Variants in COL22A1 observed in about 807,000 individuals in gnomAD.
COL22A1 encodes the protein collagen type XXII alpha 1 chain, also known as collagen alpha-1(XXII) chain.
COL22A1 carries 221 observed loss-of-function variants against 248.9 expected under a neutral mutation model. The observed-to-expected ratio is 0.89, with a 90% CI of 0.80 to 0.99. The LOEUF is 0.99. Among genes scored for constraint, COL22A1 ranks in the 50% least tolerant of loss-of-function variants. The probability of loss-of-function intolerance (pLI) is 0.00; values close to 1 mark genes in which losing one functional copy is unlikely to be tolerated. For synonymous variants in COL22A1, 891 were observed against 793.4 expected, an observed-to-expected ratio of 1.12 and a Z score of -2.07; for missense variants, 2,240 against 2,179.0, an observed-to-expected ratio of 1.03 and a Z score of -0.56.
chr8:138,896,140 C>A (rs1020819081), intron 1 of COL22A1, among the ~76,000 whole-genome samples: 2 of 151,986 alleles, frequency 1.3e-5, no homozygotes, highest in African/African-American at 2.4e-5. Flanking sequence ...TGAAGAATTG[C>A]TAAAGGAAGC....
Position 138,779,564 on chromosome 8 carries a change from T to A in COL22A1, c.1651-2A>T, listed in dbSNP as rs200334323. 2.5e-6 allele frequency: 4 copies of A among 1,611,370 alleles called. No individual in the cohort carries two copies. In the African/African-American group the frequency reaches 4.0e-5, roughly 16 times the overall value. ...CTCTCCCAGCTCTCCTGGCTCCCCC[T>A]GAACAAACAAAACAACACAAAGTCA... On this transcript the variant is annotated splice_acceptor_variant, in intron 13 of 64. Coordinates refer to ENST00000303045, the MANE Select transcript of COL22A1 (RefSeq NM_152888.3). LOFTEE classifies it high-confidence loss of function.
At chr8:138,724,169 G>A (rs995306455) in intron 25 of COL22A1, among the ~76,000 whole-genome samples, 4 of 152,146 alleles carry the variant, frequency 2.6e-5, no homozygotes, top group Admixed American at 6.6e-5. Context: ...AGCTCCACCT[G>A]CCCCCTAAGA....
intron 3 of COL22A1, among the ~76,000 whole-genome samples, chr8:138,875,952 C>T (rs973338515): frequency 1.3e-5 from 2 of 152,164 alleles, no homozygotes; most frequent in Non-Finnish European, 2.9e-5. Flanking sequence ...GCCAAGTCAT[C>T]GGTGCTGGAT....
intron 3 of COL22A1, among the ~76,000 whole-genome samples, chr8:138,857,413 G>A (rs910443614): frequency 3.3e-5 from 5 of 152,166 alleles, no homozygotes; most frequent in African/African-American, 4.8e-5. Flanking sequence ...ACACAGCTTC[G>A]CCTGGACATT....
At position 138,817,562 on chromosome 8, in the gene COL22A1, T is replaced by C. The variant is rs188261933; in HGVS notation, c.1245+3574A>G. 3.8e-4 allele frequency among the ~76,000 whole-genome samples: 58 copies of C among 152,252 alleles called. 1 individual carries two copies. The highest frequency in any genetic ancestry group is 3.0e-3 in the Admixed American group (46 of 15,300). On this transcript the variant is annotated intron_variant, in intron 7 of 64. Coordinates refer to ENST00000303045, the MANE Select transcript of COL22A1 (RefSeq NM_152888.3). ...GGGGAACCAACTACTTCTACTATAC[T>C]AGGGTGTTGTATGTGGTGGGGATGT...
At chr8:138,608,475 G>T (rs1026669752) in intron 56 of COL22A1, among the ~76,000 whole-genome samples, 1 of 152,088 alleles carries the variant, frequency 6.6e-6, no homozygotes, top group Non-Finnish European at 1.5e-5. Context: ...TTTAAAATAC[G>T]TAGATACTGA....
intron 8 of COL22A1, among the ~76,000 whole-genome samples, chr8:138,812,313 G>A (rs1328599600): frequency 6.6e-6 from 1 of 152,202 alleles, no homozygotes; most frequent in African/African-American, 2.4e-5. Context: ...TGAGCCGGGT[G>A]CGCTGGCTGA....
At chr8:138,684,843 T>C (rs978432927) in intron 38 of COL22A1, among the ~76,000 whole-genome samples, 2 of 152,182 alleles carry the variant, frequency 1.3e-5, no homozygotes, top group African/African-American at 4.8e-5. Flanking sequence ...ATGAAAACCA[T>C]GATTCTACGT....
Position 138,602,728 on chromosome 8 carries a change from C to T in COL22A1, c.4141-569G>A, listed in dbSNP as rs142876523. Among the ~76,000 whole-genome samples the T allele has an allele frequency of 2.0e-4, 31 of 152,370 alleles. No individual in the cohort carries two copies. In the East Asian group the frequency reaches 5.2e-3, roughly 26 times the overall value. On this transcript the variant is annotated intron_variant, in intron 59 of 64. Coordinates refer to ENST00000303045, the MANE Select transcript of COL22A1 (RefSeq NM_152888.3). ...CCCACTCCCTTCTGGAGGGCAGTCA[C>T]GTCAGGGAACAAGGGACACGGCCCA...
intron 35 of COL22A1, among the ~76,000 whole-genome samples, chr8:138,692,254 GTGCGTGTGTGCATGTTTGTGTGCACA>G: frequency 7.5e-6 from 1 of 133,084 alleles, no homozygotes; most frequent in Non-Finnish European, 1.7e-5. Flanking sequence ...GGACGTATGT[GTGCGTGTGTGCATGTTTGTGTGCACA>G]TGCATGTGTG....
chr8:138,906,152 C>T (rs946726177), intron 1 of COL22A1, among the ~76,000 whole-genome samples: 5 of 152,078 alleles, frequency 3.3e-5, no homozygotes, highest in African/African-American at 1.2e-4. Context: ...GGGCGGGTCA[C>T]GAGGTCAGGA....
intron 47 of COL22A1, among the ~76,000 whole-genome samples, chr8:138,639,208 G>C (rs1363885833): frequency 6.6e-6 from 1 of 152,174 alleles, no homozygotes; most frequent in Non-Finnish European, 1.5e-5. Context: ...CTGAAGACCA[G>C]ACAGGTTCAG....
chr8:138,907,001 A>G (rs7005640), intron 1 of COL22A1, among the ~76,000 whole-genome samples: 1,670 of 152,320 alleles, frequency 0.011, 17 homozygotes, highest in African/African-American at 0.037. Flanking sequence ...CTTCCAAGAA[A>G]TGGCCTAGAT....
At chr8:138,698,684 T>G (rs906286089) in intron 32 of COL22A1, among the ~76,000 whole-genome samples, 2 of 151,396 alleles carry the variant, frequency 1.3e-5, no homozygotes, top group African/African-American at 4.9e-5. Context: ...GTACCTGCCA[T>G]GCAGGTGAGA....
At chr8:138,637,275 C>T (rs1452715105) in intron 47 of COL22A1, among the ~76,000 whole-genome samples, 1 of 152,070 alleles carries the variant, frequency 6.6e-6, no homozygotes, top group Non-Finnish European at 1.5e-5. Context: ...GTCTGCAGGC[C>T]TTGCAGAACA....
chr8:138,849,328 C>T (rs1032567667), intron 3 of COL22A1, among the ~76,000 whole-genome samples: 1 of 152,202 alleles, frequency 6.6e-6, no homozygotes, highest in Non-Finnish European at 1.5e-5. Context: ...GCACCAGACG[C>T]TGTTCCAAGC....
intron 5 of COL22A1, among the ~76,000 whole-genome samples, chr8:138,829,330 C>T (rs1434437864): frequency 6.6e-6 from 1 of 151,640 alleles, no homozygotes; most frequent in Non-Finnish European, 1.5e-5. Flanking sequence ...CAGACACACG[C>T]TTTGTAGCTA....
chr8:138,684,700 G>A lies in COL22A1; in HGVS notation c.2968-231C>T, dbSNP rs373453028. Reference sequence around the variant, plus strand: ...TGTGTGGCCTTCAGGAAATCTCTTAGCCTCTCTCAGTTTGCTTTCCCATTG... The same window carrying A: ...TGTGTGGCCTTCAGGAAATCTCTTAACCTCTCTCAGTTTGCTTTCCCATTG... On this transcript the variant is annotated intron_variant, in intron 38 of 64. Transcript: ENST00000303045. 5.3e-5 allele frequency among the ~76,000 whole-genome samples: 8 copies of A among 152,250 alleles called. 1 individual carries two copies. The South Asian group carries it at 1.5e-3, about 28-fold the overall frequency.
intron 22 of COL22A1, among the ~76,000 whole-genome samples, chr8:138,745,349 G>GGC (rs1346720788): frequency 1.3e-5 from 2 of 152,086 alleles, no homozygotes; most frequent in Non-Finnish European, 2.9e-5. Flanking sequence ...CAGGTGACCA[G>GGC]GCACCCAGTT....
Sources: allele counts gnomAD v4.1 joint callset (sites outside exome capture counted in the v4.1 genomes callset), GRCh38; gene constraint gnomAD v4.1.1; transcripts MANE v1.5; gene names NCBI Gene and HGNC (gene_info 2026-07-23, HGNC 2026-07-21).